The following ZNF451 variants were observed in gnomAD, a reference collection of about 807,000 sequenced individuals.
ZNF451 encodes E3 SUMO-protein ligase ZNF451.
A neutral mutation model predicts 107.1 loss-of-function variants in ZNF451; 80 were observed. The observed-to-expected ratio is 0.75, with a 90% CI of 0.62 to 0.90. The LOEUF is 0.90. ZNF451 is among the 40% of genes least tolerant of loss of function. The pLI is 0.00. For missense variants in ZNF451, 1,107 were observed against 1,236.2 expected (o/e 0.90, Z 1.57); for synonymous variants, 362 against 406.5 (o/e 0.89, Z 1.32).
chr6:57,101,747 CTG>C (rs1431871507), intron 3 of ZNF451: 11 of 1,550,450 alleles, frequency 7.1e-6, no homozygotes, highest in Non-Finnish European at 8.7e-6. Context: ...ATAATGGACT[CTG>C]TAGTCAGAGT....
At chr6:57,136,167 C>T (rs1831416941) in intron 7 of ZNF451, among the ~76,000 whole-genome samples, 1 of 152,102 alleles carries the variant, frequency 6.6e-6, no homozygotes, top group Non-Finnish European at 1.5e-5. Context: ...GTAGGGTAGT[C>T]TTGGGGATTC....
chr6:57,141,397 G>A lies in ZNF451; in HGVS notation c.798G>A (p.Glu266=), dbSNP rs779857438. ...GCTTCCTTCTTTTTAGCAGAAAGGAGGAGTGTTCAAAGCATATGTCTGGAA... is the reference window on the plus strand; with the variant it reads ...GCTTCCTTCTTTTTAGCAGAAAGGAAGAGTGTTCAAAGCATATGTCTGGAA... ...PNCFLLFSRK[E]ECSKHMSGKN... The change falls in exon 8 of 15, where the codon GAG becomes GAA. Residue 266 remains glutamate (E), a synonymous_variant. Transcript: ENST00000370706. 1 of 1,613,268 alleles carries A rather than the reference G, an allele frequency of 6.2e-7. No individual in the cohort carries two copies. The highest frequency in any genetic ancestry group is 8.5e-7 in the Non-Finnish European group (1 of 1,179,670).
chr6:57,099,110 A>G lies in ZNF451; in HGVS notation c.155A>G (p.Asp52Gly). 2 of 1,613,646 alleles carry G rather than the reference A, an allele frequency of 1.2e-6. No individual in the cohort carries two copies. Among genetic ancestry groups the G allele is most frequent in the Non-Finnish European group, 1.7e-6 (2 of 1,179,614 alleles). ...VLEYIDLVSS[D>G]DEEPSTSYTD... is the part of the protein sequence containing the mutation. ...GAATACATTGATCTGGTCAGCAGTG[A>G]TGATGAAGAGCCTAGCACCTCTTAT... Residue 52 changes from aspartate to glycine, a missense_variant, in exon 3 of 15, where the codon GAT (aspartate) becomes GGT (glycine). By Grantham distance (94) the Asp-to-Gly change is moderately conservative. Transcript: ENST00000370706.
intron 3 of ZNF451, chr6:57,101,538 G>A (rs1304589838): frequency 1.9e-6 from 3 of 1,550,834 alleles, no homozygotes; most frequent in Non-Finnish European, 2.6e-6. Flanking sequence ...TGGAGGTCAT[G>A]GGTTGTAGGT....
intron 2 of ZNF451, among the ~76,000 whole-genome samples, 176 bp from the exon 3 acceptor site, chr6:57,098,885 A>C (rs192756110): frequency 1.3e-5 from 2 of 152,164 alleles, no homozygotes; most frequent in African/African-American, 4.8e-5. Context: ...TTTTACATTT[A>C]TATATTTTGA....
intron 9 of ZNF451, among the ~76,000 whole-genome samples, chr6:57,143,259 G>A (rs571590291): frequency 1.3e-5 from 2 of 152,068 alleles, no homozygotes. Flanking sequence ...TGCTTTCTGT[G>A]TCCTGAGAAA....
chr6:57,135,015 G>T, intron 7 of ZNF451, 145 bp downstream of exon 7: 1 of 695,752 alleles, frequency 1.4e-6, no homozygotes, highest in Admixed American at 3.0e-5. Flanking sequence ...AAAATAAAAT[G>T]ATTTGGGCCA....
At chr6:57,128,668 A>G (rs904617110) in intron 4 of ZNF451, 61 bp from the exon 5 acceptor site, 35 of 1,145,550 alleles carry the variant, frequency 3.1e-5, no homozygotes, top group Non-Finnish European at 4.5e-5. Context: ...ATGTGTCAAA[A>G]TCCTTTTCTC....
rs1831054904 is a variant in ZNF451 at position 57,128,936 on chromosome 6, GAT to G, written c.424+99_424+100del. On this transcript the variant is annotated intron_variant, in intron 5 of 14. Coordinates refer to ENST00000370706, the MANE Select transcript of ZNF451 (RefSeq NM_001031623.3). ...TATGCTATTGCTAATAAGCATATAA[GAT>G]ATTAAATTTTGTTTCAGTGATACTA... 2.0e-5 allele frequency: 17 copies of G among 832,438 alleles called. No homozygotes were observed. The South Asian group carries it at 3.3e-4, about 16-fold the overall frequency. The allele number at this position is 832,438 out of a possible 1,614,324, so 51.6% of individuals were successfully genotyped here. A position where few individuals can be genotyped will look rare whatever the true frequency, so the allele number is the denominator to read the frequency against.
chr6:57,096,460 A>G (rs189950088), intron 2 of ZNF451, among the ~76,000 whole-genome samples: 2 of 151,952 alleles, frequency 1.3e-5, no homozygotes, highest in Non-Finnish European at 2.9e-5. Flanking sequence ...TGCTGGGATT[A>G]CAGGCATGAG....
Position 57,153,934 on chromosome 6 carries a change from A to G in ZNF451, c.2957A>G (p.Glu986Gly). 1 of 1,614,178 alleles carries G rather than the reference A, an allele frequency of 6.2e-7. No individual in the cohort carries two copies. Among genetic ancestry groups the G allele is most frequent in the South Asian group, 1.1e-5 (1 of 91,090 alleles). Residue 986 changes from glutamate (E) to glycine (G), a missense_variant, in exon 13 of 15, where the codon GAG (glutamate) becomes GGG (glycine). Around this residue, in one of 5 missense-constraint regions of ZNF451, gnomAD observed 151 missense variants for 173.3 expected, o/e 0.87. Transcript: ENST00000370706. ...TILSGDQGFL[E>G]LENQFKKTQR... is the part of the protein sequence containing the mutation. ...CTCTCAGGAGATCAAGGTTTTCTGG[A>G]GCTAGAGAATCAATTTAAGAAGACT...
intron 3 of ZNF451, chr6:57,103,500 C>A: frequency 1.0e-6 from 1 of 985,394 alleles, no homozygotes; most frequent in Non-Finnish European, 1.2e-6. Context: ...CCCACAGTAT[C>A]TTCTCTTTAG....
intron 9 of ZNF451, among the ~76,000 whole-genome samples, chr6:57,144,883 T>A (rs949141869): frequency 1.3e-5 from 2 of 152,100 alleles, no homozygotes; most frequent in Non-Finnish European, 2.9e-5. Context: ...GATCCAAGAT[T>A]GTGCCACTGC....
In ZNF451 at chr6:57,147,199, G is replaced by T; in HGVS notation, c.1114G>T (p.Val372Leu). 6.2e-7 allele frequency: 1 copy of T among 1,614,084 alleles called. No homozygotes were observed. The highest frequency in any genetic ancestry group is 1.1e-5 in the South Asian group (1 of 91,078). The stretch of plus-strand genomic sequence containing the variant: ...TTGTCCAGATTGCAATCAAGTCTTT[G>T]TGGATGAAACCAGCACCCAAAATCA... Reference protein sequence around the residue: ...GYCPDCNQVFVDETSTQNHKQ... With the variant: ...GYCPDCNQVFLDETSTQNHKQ... Residue 372 changes from valine to leucine, a missense_variant, in exon 10 of 15, where the codon GTG becomes TTG. Around this residue, in one of 5 missense-constraint regions of ZNF451, gnomAD observed 608 missense variants for 649.2 expected, o/e 0.94. Coordinates refer to ENST00000370706, the MANE Select transcript of ZNF451 (RefSeq NM_001031623.3).
At chr6:57,152,636 C>T (rs1196277367) in intron 12 of ZNF451, among the ~76,000 whole-genome samples, 1 of 152,172 alleles carries the variant, frequency 6.6e-6, no homozygotes, top group Non-Finnish European at 1.5e-5. Flanking sequence ...CTCTGTCACC[C>T]AGGCTGGAGT....
chr6:57,102,153 T>A, intron 3 of ZNF451: 1 of 1,450,366 alleles, frequency 6.9e-7, no homozygotes, highest in Middle Eastern at 2.1e-4. Context: ...TTTTACTTGT[T>A]CCTCCTTGTA....
At chr6:57,162,178 T>TG (rs1416876539) in intron 14 of ZNF451, among the ~76,000 whole-genome samples, 5 of 152,180 alleles carry the variant, frequency 3.3e-5, no homozygotes, top group Admixed American at 2.0e-4. Context: ...TGTTTATTGT[T>TG]GGAGATTATA....
intron 3 of ZNF451, chr6:57,102,642 A>G: frequency 2.0e-6 from 2 of 985,742 alleles, no homozygotes; most frequent in Non-Finnish European, 2.4e-6. Context: ...AGTCCGTACT[A>G]CTATCAAGCT....
Position 57,134,756 on chromosome 6 carries a change from T to G in ZNF451, c.588T>G (p.Ser196=), listed in dbSNP as rs960763446. ...LLGHLKRFDH[S]PCDPTITLHG... is the part of the protein sequence containing the mutation. Reference sequence around the variant, plus strand: ...TTTTGCTGAGTAGGTTCGATCACTCTCCATGTGATCCAACAATTACACTAC... The same window carrying G: ...TTTTGCTGAGTAGGTTCGATCACTCGCCATGTGATCCAACAATTACACTAC... Residue 196 remains serine (S), a synonymous_variant, in exon 7 of 15, where the codon TCT becomes TCG. Transcript: ENST00000370706. The G allele has an allele frequency of 3.1e-6, 5 of 1,613,050 alleles. No homozygotes were observed. In the African/African-American group the frequency reaches 6.7e-5, roughly 21 times the overall value.
Sources: allele counts gnomAD v4.1 joint callset (sites outside exome capture counted in the v4.1 genomes callset), GRCh38; gene constraint gnomAD v4.1.1; regional missense constraint gnomAD v4.1.1; transcripts MANE v1.5; gene names NCBI Gene and HGNC (gene_info 2026-07-23, HGNC 2026-07-21).